The following COG5 variants were observed in gnomAD, a reference collection of about 807,000 sequenced individuals.
COG5 encodes component of oligomeric golgi complex 5, also known as conserved oligomeric Golgi complex subunit 5.
In COG5, 86 loss-of-function variants were observed where a neutral mutation model predicts 110.4. The observed-to-expected ratio is 0.78, with a 90% confidence interval of 0.65 to 0.93. COG5 has a LOEUF of 0.93. Ranked by LOEUF, COG5 falls within the 40% of genes least tolerant of loss-of-function variation. The pLI is 0.00. For synonymous variants in COG5, 360 were observed against 334.6 expected, an observed-to-expected ratio of 1.08 and a Z score of -0.83; for missense variants, 1,077 against 987.0, an observed-to-expected ratio of 1.09 and a Z score of -1.22.
At chr7:107,438,013 C>G (rs969284183) in intron 6 of COG5, among the ~76,000 whole-genome samples, 3 of 152,092 alleles carry the variant, frequency 2.0e-5, no homozygotes, top group Non-Finnish European at 2.9e-5. Context: ...CTCAGGTAGT[C>G]AATACCTCTT....
At chr7:107,416,654 G>T (rs1792868945) in intron 6 of COG5, among the ~76,000 whole-genome samples, 1 of 152,002 alleles carries the variant, frequency 6.6e-6, no homozygotes, top group Admixed American at 6.6e-5. Flanking sequence ...TTTAGACAAG[G>T]ACTTCACAAC....
chr7:107,325,952 A>C (rs1231286016), intron 10 of COG5, among the ~76,000 whole-genome samples: 1 of 152,202 alleles, frequency 6.6e-6, no homozygotes, highest in Non-Finnish European at 1.5e-5. Flanking sequence ...CAGATTCCTA[A>C]GATTTTATGT....
At chr7:107,285,803 T>C (rs1289770287) in intron 12 of COG5, among the ~76,000 whole-genome samples, 1 of 146,388 alleles carries the variant, frequency 6.8e-6, no homozygotes, top group Non-Finnish European at 1.5e-5. Flanking sequence ...GAGGAAAGGG[T>C]GCAGTGAGCC....
chr7:107,381,584 T>G (rs1254056967), intron 7 of COG5, among the ~76,000 whole-genome samples: 1 of 152,206 alleles, frequency 6.6e-6, no homozygotes, highest in African/African-American at 2.4e-5. Flanking sequence ...TTTTATCCTT[T>G]TCAAAAGATG....
chr7:107,322,039 CA>C (rs1369915741), intron 11 of COG5, among the ~76,000 whole-genome samples: 1 of 152,162 alleles, frequency 6.6e-6, no homozygotes, highest in African/African-American at 2.4e-5. Flanking sequence ...ACAATAAAAA[CA>C]GAGGACAATC....
chr7:107,327,606 C>T (rs1809884987), intron 10 of COG5, among the ~76,000 whole-genome samples: 1 of 151,900 alleles, frequency 6.6e-6, no homozygotes, highest in African/African-American at 2.4e-5. Flanking sequence ...ATTAAAAAAA[C>T]AAATACCATG....
At chr7:107,331,823 G>C (rs1034205499) in intron 10 of COG5, among the ~76,000 whole-genome samples, 9 of 150,942 alleles carry the variant, frequency 6.0e-5, no homozygotes, top group Non-Finnish European at 1.3e-4. Flanking sequence ...TCCAAGTGGA[G>C]ATGACCCTGC....
At chr7:107,381,916 T>C (rs908232683) in intron 7 of COG5, among the ~76,000 whole-genome samples, 3 of 152,230 alleles carry the variant, frequency 2.0e-5, no homozygotes, top group African/African-American at 7.2e-5. Context: ...TGTTTCTGTC[T>C]AGTTCCTCTA....
At chr7:107,555,326 C>T (rs1327558795) in intron 2 of COG5, among the ~76,000 whole-genome samples, 1 of 152,174 alleles carries the variant, frequency 6.6e-6, no homozygotes, top group Non-Finnish European at 1.5e-5. Context: ...TATTGTGTGC[C>T]TTTTATTCCA....
At chr7:107,361,952 T>C in intron 10 of COG5, 81 bp downstream of exon 10, 4 of 870,122 alleles carry the variant, frequency 4.6e-6, no homozygotes, top group African/African-American at 1.7e-5. Flanking sequence ...CTCTATAAGG[T>C]AGTAGTAACA....
intron 10 of COG5, among the ~76,000 whole-genome samples, chr7:107,329,036 T>C (rs1034791706): frequency 2.0e-5 from 3 of 152,288 alleles, no homozygotes; most frequent in East Asian, 1.9e-4. Flanking sequence ...GACTACATCA[T>C]TGGCTTTCCA....
intron 14 of COG5, among the ~76,000 whole-genome samples, chr7:107,277,978 G>T (rs1287832538): frequency 1.3e-5 from 2 of 151,914 alleles, no homozygotes; most frequent in African/African-American, 4.8e-5. Context: ...TTAAAAATCA[G>T]CTTGAAAAAA....
chr7:107,357,869 A>G (rs1347202060), intron 10 of COG5, among the ~76,000 whole-genome samples: 1 of 152,100 alleles, frequency 6.6e-6, no homozygotes, highest in Non-Finnish European at 1.5e-5. Context: ...TGGTCTCCCT[A>G]TGTTGCCCAG....
At position 107,462,660 on chromosome 7, in the gene COG5, A is replaced by G. The variant is rs1228822888; in HGVS notation, c.539-50028T>C. Among the ~76,000 whole-genome samples, 9 of 151,792 alleles carry G rather than the reference A, an allele frequency of 5.9e-5. No homozygotes were observed. In the East Asian group the frequency reaches 1.7e-3, roughly 29 times the overall value. Reference sequence around the variant, plus strand: ...AGCCATGAAGGAGGAAAAGGAATTCATCCTACAAGTGGAAGCAGGGGTGGG... The same window carrying G: ...AGCCATGAAGGAGGAAAAGGAATTCGTCCTACAAGTGGAAGCAGGGGTGGG... On this transcript the variant is annotated intron_variant, in intron 6 of 21. Transcript: ENST00000297135.
chr7:107,422,703 A>C (rs1385038189), intron 6 of COG5, among the ~76,000 whole-genome samples: 4 of 151,356 alleles, frequency 2.6e-5, no homozygotes, highest in African/African-American at 9.8e-5. Flanking sequence ...AAAAAAAAAA[A>C]AGCAAGCCAT....
chr7:107,346,316 T>C (rs1584707598), intron 10 of COG5, among the ~76,000 whole-genome samples: 4 of 152,276 alleles, frequency 2.6e-5, no homozygotes. Flanking sequence ...AATATTTCCA[T>C]GGAATATTAA....
intron 19 of COG5, among the ~76,000 whole-genome samples, chr7:107,228,573 C>T (rs1456762131): frequency 6.6e-6 from 1 of 152,130 alleles, no homozygotes; most frequent in Non-Finnish European, 1.5e-5. Flanking sequence ...CATCATCCTT[C>T]AACTCGCCCA....
At chr7:107,534,661 T>C (rs1477384788) in intron 5 of COG5, among the ~76,000 whole-genome samples, 1 of 150,732 alleles carries the variant, frequency 6.6e-6, no homozygotes, top group African/African-American at 2.5e-5. Context: ...ACCACCCAGA[T>C]TCATAACCAA....
Position 107,548,284 on chromosome 7 carries a change from A to G in COG5, c.341T>C (p.Val114Ala). 6.2e-7 allele frequency: 1 copy of G among 1,612,920 alleles called. No individual in the cohort carries two copies. ...ATAAAATTAAGAACAGTACCTATCA[A>G]CAGCTCCCTGTAAAGCCCCAATTCT... ...QTRIGALQGA[V>A]DRIKAKIVEP... Residue 114 changes from valine (V) to alanine (A), a missense_variant, in exon 4 of 22, where the codon GTT becomes GCT. By Grantham distance (64) the Val-to-Ala change is moderately conservative. Coordinates refer to ENST00000297135, the MANE Select transcript of COG5 (RefSeq NM_006348.5).
Sources: allele counts gnomAD v4.1 joint callset (sites outside exome capture counted in the v4.1 genomes callset), GRCh38; gene constraint gnomAD v4.1.1; transcripts MANE v1.5; gene names NCBI Gene and HGNC (gene_info 2026-07-23, HGNC 2026-07-21).